The following TMPRSS15 variants were observed in gnomAD, a reference collection of about 807,000 sequenced individuals.
The protein encoded by TMPRSS15 is transmembrane serine protease 15, also known as enteropeptidase.
Under a neutral mutation model 125.3 loss-of-function variants are expected in TMPRSS15, and 128 were observed. The ratio of observed to expected loss-of-function variants is 1.02; its 90% CI spans 0.89 to 1.18. The LOEUF (loss-of-function observed/expected upper bound fraction) is 1.18, where lower values mean the gene tolerates loss of function less well. Among genes scored for constraint, TMPRSS15 ranks in the 50% most tolerant of loss-of-function variants. The pLI, the probability that TMPRSS15 is intolerant of heterozygous loss-of-function variation, is 0.00. For missense variants in TMPRSS15, 1,283 were observed against 1,212.7 expected, an observed-to-expected ratio of 1.06 and a Z score of -0.86; for synonymous variants, 446 against 423.2, an observed-to-expected ratio of 1.05 and a Z score of -0.66.
At chr21:18,312,860 A>G in intron 18 of TMPRSS15, 85 bp downstream of exon 18, 1 of 1,531,204 alleles carries the variant, frequency 6.5e-7, no homozygotes, top group Non-Finnish European at 8.9e-7. Context: ...AACTTTATAA[A>G]TTTTAAAGCT....
intron 12 of TMPRSS15, among the ~76,000 whole-genome samples, chr21:18,341,988 AAACAC>A (rs1263079090): frequency 1.3e-4 from 20 of 152,274 alleles, no homozygotes; most frequent in African/African-American, 4.8e-4. Context: ...CCTGAAGAGA[AAACAC>A]ACTGGGGGTG....
chr21:18,456,554 C>G (rs971053678), intron 1 of TMPRSS15, among the ~76,000 whole-genome samples: 4 of 151,936 alleles, frequency 2.6e-5, no homozygotes, highest in Non-Finnish European at 5.9e-5. Flanking sequence ...TTCCTAAATT[C>G]CAGTAAGATA....
chr21:18,359,639 TAG>T, intron 8 of TMPRSS15, 116 bp downstream of exon 8: 6 of 546,168 alleles, frequency 1.1e-5, no homozygotes, highest in Non-Finnish European at 1.3e-5. Context: ...GTTTTTTTTT[TAG>T]TTTTATAAGT....
chr21:18,299,343 C>T (rs746685194), intron 18 of TMPRSS15, among the ~76,000 whole-genome samples: 1 of 152,212 alleles, frequency 6.6e-6, no homozygotes, highest in Non-Finnish European at 1.5e-5. Flanking sequence ...TTTAAGGACT[C>T]ACACATTTAG....
At chr21:18,450,572 A>G (rs1037263642) in intron 1 of TMPRSS15, among the ~76,000 whole-genome samples, 5 of 152,152 alleles carry the variant, frequency 3.3e-5, no homozygotes, top group African/African-American at 7.2e-5. Context: ...TTTCTGATCA[A>G]TTGGAGCTTC....
chr21:18,298,636 G>C (rs2074933065), intron 18 of TMPRSS15, among the ~76,000 whole-genome samples: 1 of 152,014 alleles, frequency 6.6e-6, no homozygotes, highest in South Asian at 2.1e-4. Context: ...TCTTAATCTT[G>C]TTTCTTGCCT....
At chr21:18,383,926 TA>T (rs2075918180) in intron 3 of TMPRSS15, 148 bp from the exon 4 acceptor site, 1 of 951,288 alleles carries the variant, frequency 1.1e-6, no homozygotes, top group Non-Finnish European at 1.6e-6. Flanking sequence ...CTTCAAATCT[TA>T]TCTTTATTTC....
At chr21:18,404,088 CT>C (rs1463744016), upstream of TMPRSS15, among the ~76,000 whole-genome samples, 1 of 152,190 alleles carries the variant, frequency 6.6e-6, no homozygotes, top group African/African-American at 2.4e-5. Context: ...TAAGACACTT[CT>C]CTTATATGTT....
chr21:18,363,091 A>G (rs1002630187), intron 7 of TMPRSS15, among the ~76,000 whole-genome samples: 1 of 152,142 alleles, frequency 6.6e-6, no homozygotes, highest in Non-Finnish European at 1.5e-5. Context: ...TTATAGAAAA[A>G]TTATTGTCTT....
intron 16 of TMPRSS15, among the ~76,000 whole-genome samples, chr21:18,323,688 C>A (rs1339496210): frequency 6.6e-6 from 1 of 152,062 alleles, no homozygotes; most frequent in African/African-American, 2.4e-5. Context: ...CTATTTATCT[C>A]AGTTTCTTTA....
intron 8 of TMPRSS15, among the ~76,000 whole-genome samples, chr21:18,354,520 C>T (rs1043097796): frequency 2.0e-5 from 3 of 151,318 alleles, no homozygotes; most frequent in Admixed American, 6.6e-5. Flanking sequence ...ATAAAATTTG[C>T]TTTTATGAAA....
intron 15 of TMPRSS15, among the ~76,000 whole-genome samples, chr21:18,326,821 T>A (rs2075296746): frequency 6.6e-6 from 1 of 152,242 alleles, no homozygotes; most frequent in Admixed American, 6.5e-5. Flanking sequence ...GATGAATTAC[T>A]TATAATATAT....
chr21:18,470,614 A>G lies in TMPRSS15; in HGVS notation c.10+15185T>C, dbSNP rs1978759551. ...TTGTCAAGGTCTGCCCAGAGATTTC[A>G]TGTATATCTCAGTTGAGTTGCACAG... On this transcript the variant is annotated intron_variant, in intron 1 of 7. Transcript: ENST00000422787. 2.6e-5 allele frequency among the ~76,000 whole-genome samples: 4 copies of G among 152,068 alleles called. No individual in the cohort carries two copies. In the South Asian group the frequency reaches 8.3e-4, roughly 31 times the overall value.
chr21:18,287,953 T>C (rs1202939858), intron 21 of TMPRSS15, among the ~76,000 whole-genome samples: 1 of 152,296 alleles, frequency 6.6e-6, no homozygotes, highest in East Asian at 1.9e-4. Context: ...AGAATAGAGC[T>C]ACCATTTGAT....
chr21:18,346,812 T>C (rs991027796), intron 10 of TMPRSS15, among the ~76,000 whole-genome samples: 9 of 152,214 alleles, frequency 5.9e-5, no homozygotes. Flanking sequence ...TCAATAATAC[T>C]TTCTTATGCA....
chr21:18,440,372 C>CAAAAAAAAAAAAAAAAAAAAAAA (rs539968323), intron 1 of TMPRSS15, among the ~76,000 whole-genome samples: 4 of 47,428 alleles, frequency 8.4e-5, no homozygotes, highest in African/African-American at 3.3e-4. Flanking sequence ...AACTCCGTCT[C>CAAAAAAAAAAAAAAAAAAAAAAA]AAAAAAAAAA....
intron 1 of TMPRSS15, among the ~76,000 whole-genome samples, chr21:18,409,597 A>G (rs970579331): frequency 2.0e-5 from 3 of 151,962 alleles, no homozygotes; most frequent in Non-Finnish European, 2.9e-5. Context: ...GCCATCCCTA[A>G]TTTACAAATT....
At chr21:18,443,978 C>T (rs1048212996) in intron 1 of TMPRSS15, among the ~76,000 whole-genome samples, 1 of 152,190 alleles carries the variant, frequency 6.6e-6, no homozygotes. Context: ...GAGCTTCTGG[C>T]CAAGTGGTCC....
In TMPRSS15 at chr21:18,418,366, G is replaced by A. The variant is rs150633387; in HGVS notation, c.11-20037C>T. Reference sequence around the variant, plus strand: ...TTGTAGCGATGGCTAAGTGGAAAGAGAATGTCATTCTGCGGCCAGTACTGT... The same window carrying A: ...TTGTAGCGATGGCTAAGTGGAAAGAAAATGTCATTCTGCGGCCAGTACTGT... On this transcript the variant is annotated intron_variant, in intron 1 of 7. Coordinates refer to the TMPRSS15 transcript ENST00000422787. Among the ~76,000 whole-genome samples the A allele has an allele frequency of 2.1e-4, 32 of 152,304 alleles. No individual in the cohort carries two copies. In the East Asian group the frequency reaches 6.0e-3, roughly 28 times the overall value.
Sources: allele counts gnomAD v4.1 joint callset (sites outside exome capture counted in the v4.1 genomes callset), GRCh38; gene constraint gnomAD v4.1.1; transcripts MANE v1.5; gene names NCBI Gene and HGNC (gene_info 2026-07-23, HGNC 2026-07-21).